ZKSCAN8: variants seen among roughly 807,000 people sequenced by gnomAD.
The protein encoded by ZKSCAN8 is zinc finger protein with KRAB and SCAN domains 8.
A neutral mutation model predicts 57.2 loss-of-function variants in ZKSCAN8; 27 were observed. The observed-to-expected ratio is 0.47, with a 90% confidence interval of 0.35 to 0.65. The LOEUF (loss-of-function observed/expected upper bound fraction) is 0.65. Ranked by LOEUF, ZKSCAN8 falls within the 30% of genes least tolerant of loss-of-function variation. The pLI is 0.01. For synonymous variants in ZKSCAN8, 214 were observed against 248.7 expected (o/e 0.86, Z 1.31); for missense variants, 597 against 696.3 (o/e 0.86, Z 1.60).
Position 28,153,229 on chromosome 6 carries a change from A to G in ZKSCAN8, c.949A>G (p.Thr317Ala). The G allele has an allele frequency of 6.2e-7, 1 of 1,614,214 alleles. No homozygotes were observed. Among genetic ancestry groups the G allele is most frequent in the Non-Finnish European group, 8.5e-7 (1 of 1,180,022 alleles). The change falls in exon 6 of 6, where the codon ACA becomes GCA. Residue 317 changes from threonine to alanine, a missense_variant. Thr to Ala is a moderately conservative substitution (Grantham distance 58). Transcript: ENST00000330236. ...ATTAGAGAGGCAGCGGGGAAATCCCACACAAGAGAGACGACATAAATGTGA... is the reference window on the plus strand; with the variant it reads ...ATTAGAGAGGCAGCGGGGAAATCCCGCACAAGAGAGACGACATAAATGTGA... ...GRLERQRGNP[T>A]QERRHKCDEC... is the part of the protein sequence containing the mutation.
In ZKSCAN8 at chr6:28,153,759, TGA is replaced by T. The variant is rs1216120503; in HGVS notation, c.1481_1482del (p.Glu494ValfsTer13). On this transcript the variant is annotated frameshift_variant, in exon 6 of 6. Transcript: ENST00000330236. LOFTEE classifies it high-confidence loss of function. Reference protein sequence around the residue: ...HTGEKPYKCNECGRAFSQKSG... With the variant: ...HTGEKPYKCNXCGRAFSQKSG... ...CTGGGGAGAAACCCTACAAATGCAA[TGA>T]GTGTGGGAGGGCCTTCAGTCAGAAG... 1 of 1,613,508 alleles carries T rather than the reference TGA, an allele frequency of 6.2e-7. No homozygotes were observed. The highest frequency in any genetic ancestry group is 8.5e-7 in the Non-Finnish European group (1 of 1,179,854).
Position 28,148,673 on chromosome 6 carries a change from A to G in ZKSCAN8, c.266A>G (p.Gln89Arg), listed in dbSNP as rs201156339. The G allele has an allele frequency of 9.9e-6, 16 of 1,614,180 alleles. No individual in the cohort carries two copies. In the Admixed American group the frequency reaches 2.5e-4, roughly 25 times the overall value. ...AGGCCAGATTTGAACACCAAGGAAC[A>G]GATCCTGGAGCTGCTGGTGCTGGAG... is the stretch of plus-strand genomic sequence containing the variant. ...WLRPDLNTKEQILELLVLEQF... is the reference protein window; with the variant it reads ...WLRPDLNTKERILELLVLEQF... The change falls in exon 2 of 6, where the codon CAG (glutamine) becomes CGG (arginine). Residue 89 changes from glutamine to arginine, a missense_variant. Physicochemically the swap from Gln to Arg is conservative, Grantham distance 43 (BLOSUM62 1). Coordinates refer to ENST00000330236, the MANE Select transcript of ZKSCAN8 (RefSeq NM_006298.4).
intron 5 of ZKSCAN8, 93 bp from the exon 6 acceptor site, chr6:28,152,951 GTTCATGTGTACT>G (rs1196704669): frequency 6.7e-7 from 1 of 1,491,384 alleles, no homozygotes; most frequent in Admixed American, 2.1e-5. Context: ...ACTTATAGCT[GTTCATGTGTACT>G]TTCCTTTTCC....
rs936780156 is a variant in ZKSCAN8, at chr6:28,159,013, T to C, written c.*4996T>C. Reference sequence around the variant, plus strand: ...TTACTCTCTAGCATATTCACCTTGATTCAACAGATTCAAACTTCCTACAGC... The same window carrying C: ...TTACTCTCTAGCATATTCACCTTGACTCAACAGATTCAAACTTCCTACAGC... On this transcript the variant is annotated 3_prime_UTR_variant, in exon 6 of 6. Coordinates refer to ENST00000330236, the MANE Select transcript of ZKSCAN8 (RefSeq NM_006298.4). The C allele has an allele frequency of 9.2e-5, 14 of 152,244 alleles. No individual in the cohort carries two copies. Among genetic ancestry groups the C allele is most frequent in the Non-Finnish European group, 1.8e-4 (12 of 68,064 alleles). The allele number at this position is 152,244 out of a possible 1,614,324, so 9.4% of individuals were successfully genotyped here.
Position 28,156,365 on chromosome 6 carries a change from A to C in ZKSCAN8, c.*2348A>C, listed in dbSNP as rs1765783428. On this transcript the variant is annotated 3_prime_UTR_variant, in exon 6 of 6. Transcript: ENST00000330236. ...AGTCTCTTTATGTGTCAGTATTAAG[A>C]GTAATATGTAGCCAGATTACTTAAA... is the stretch of plus-strand genomic sequence containing the variant. The C allele has an allele frequency of 5.0e-6, 2 of 396,040 alleles. No homozygotes were observed. The highest frequency in any genetic ancestry group is 7.1e-5 in the East Asian group (2 of 27,984). 24.5% of individuals were successfully genotyped at this position (396,040 alleles called of 1,614,324 possible). A position where few individuals can be genotyped will look rare whatever the true frequency, so the allele number is the denominator to read the frequency against.
intron 3 of ZKSCAN8, among the ~76,000 whole-genome samples, chr6:28,150,887 G>C (rs1009635509): frequency 6.6e-6 from 1 of 152,082 alleles, no homozygotes. Flanking sequence ...GCTCACTGCA[G>C]CTTCTGCCTC....
chr6:28,151,686 A>G lies in ZKSCAN8; in HGVS notation c.560-159A>G, dbSNP rs113182686. Among the ~76,000 whole-genome samples, 207 of 152,384 alleles carry G rather than the reference A, an allele frequency of 1.4e-3. 7 individuals carry two copies. In the South Asian group the frequency reaches 0.034, roughly 25 times the overall value. On this transcript the variant is annotated intron_variant, in intron 3 of 5. Coordinates refer to ENST00000330236, the MANE Select transcript of ZKSCAN8 (RefSeq NM_006298.4). Reference sequence around the variant, plus strand: ...TGCGTATGTTTTGTGGGGCAGCCATAGATATGGCCCCAGAATCCAAGATAT... The same window carrying G: ...TGCGTATGTTTTGTGGGGCAGCCATGGATATGGCCCCAGAATCCAAGATAT...
intron 5 of ZKSCAN8, 74 bp from the exon 6 acceptor site, chr6:28,152,982 C>T: frequency 6.4e-7 from 1 of 1,559,442 alleles, no homozygotes; most frequent in Non-Finnish European, 8.7e-7. Context: ...CCCCTATCTT[C>T]AGTTCCTTTC....
Position 28,158,134 on chromosome 6 carries a change from C to CT in ZKSCAN8, c.*4123dup, listed in dbSNP as rs1431193555. 4 of 151,654 alleles carry CT rather than the reference C, an allele frequency of 2.6e-5. No individual in the cohort carries two copies. The highest frequency in any genetic ancestry group is 5.9e-5 in the Non-Finnish European group (4 of 67,910). 9.4% of individuals were successfully genotyped at this position (151,654 alleles called of 1,614,324 possible). Reference sequence around the variant, plus strand: ...GCCTTTTTTTATTATTATTTCTTGTCTTTTTTGATCTAATTTATATTTTAT... The same window carrying CT: ...GCCTTTTTTTATTATTATTTCTTGTCTTTTTTTGATCTAATTTATATTTTAT... On this transcript the variant is annotated 3_prime_UTR_variant, in exon 6 of 6. Coordinates refer to ENST00000330236, the MANE Select transcript of ZKSCAN8 (RefSeq NM_006298.4).
chr6:28,152,179 A>G (rs1014479823), intron 4 of ZKSCAN8, 82 bp from the exon 5 acceptor site: 20 of 1,533,618 alleles, frequency 1.3e-5, no homozygotes, highest in South Asian at 3.9e-5. Context: ...TTCTCTCCCA[A>G]TACTGGTGGA....
chr6:28,142,729 T>C (rs1250107596), intron 1 of ZKSCAN8, among the ~76,000 whole-genome samples: 2 of 152,230 alleles, frequency 1.3e-5, no homozygotes, highest in Admixed American at 1.3e-4. Context: ...TTCTGTTGTT[T>C]GTTAGTTCCG....
At chr6:28,151,257 A>G (rs1765581725) in intron 3 of ZKSCAN8, among the ~76,000 whole-genome samples, 1 of 152,144 alleles carries the variant, frequency 6.6e-6, no homozygotes, top group Non-Finnish European at 1.5e-5. Flanking sequence ...CTTCCCCTGC[A>G]TTTCATATTT....
rs749943899 is a variant in ZKSCAN8 at position 28,153,289 on chromosome 6, C to T, written c.1009C>T (p.Leu337Phe). Residue 337 changes from leucine to phenylalanine, a missense_variant, in exon 6 of 6, where the codon CTT becomes TTT. Physicochemically the swap from Leu to Phe is conservative, Grantham distance 22 (BLOSUM62 0). Transcript: ENST00000330236. The stretch of plus-strand genomic sequence containing the variant: ...GAAAAGCTTTGCTCAGAGCTCAGGC[C>T]TTGTTCGCCACTGGAGAATCCACAC... ...CGKSFAQSSG[L>F]VRHWRIHTGE... 2.5e-6 allele frequency: 4 copies of T among 1,614,068 alleles called. No individual in the cohort carries two copies. The highest frequency in any genetic ancestry group is 1.1e-5 in the South Asian group (1 of 91,092).
At chr6:28,147,165 A>G (rs1258323476) in intron 1 of ZKSCAN8, among the ~76,000 whole-genome samples, 1 of 152,114 alleles carries the variant, frequency 6.6e-6, no homozygotes, top group African/African-American at 2.4e-5. Context: ...TAAGAAACTC[A>G]AAACTTAATT....
In ZKSCAN8 at chr6:28,149,628, A is replaced by G. The variant is rs1269043688; in HGVS notation, c.559+4A>G. On this transcript the variant is annotated splice_donor_region_variant and intron_variant, in intron 3 of 5. Transcript: ENST00000330236. ...CCCCAAGAGTCACAAGAGAGAGGTG[A>G]GTAGCCAGATTTCATTGATGATAAG... 3 of 1,613,592 alleles carry G rather than the reference A, an allele frequency of 1.9e-6. No homozygotes were observed. The highest frequency in any genetic ancestry group is 1.7e-6 in the Non-Finnish European group (2 of 1,179,864).
chr6:28,148,825 G>A lies in ZKSCAN8; in HGVS notation c.417+1G>A, dbSNP rs1765493611. The A allele has an allele frequency of 6.2e-7, 1 of 1,610,466 alleles. No individual in the cohort carries two copies. The highest frequency in any genetic ancestry group is 8.5e-7 in the Non-Finnish European group (1 of 1,177,676). On this transcript the variant is annotated splice_donor_variant, in intron 2 of 5. Coordinates refer to ENST00000330236, the MANE Select transcript of ZKSCAN8 (RefSeq NM_006298.4). LOFTEE classifies it high-confidence loss of function. ...GCAGATTGATATACTAGGACGACCA[G>A]TAAGTAGAAGGAGGTATGCGTGCTA...
Position 28,156,230 on chromosome 6 carries a change from A to G in ZKSCAN8, c.*2213A>G, listed in dbSNP as rs1364498884. ...AGAAGAACGCTTCTCTTCTATTCCA[A>G]TAAAAAGTCCTTTTAGCAATGCAAC... On this transcript the variant is annotated 3_prime_UTR_variant, in exon 6 of 6. Transcript: ENST00000330236. 10 of 398,404 alleles carry G rather than the reference A, an allele frequency of 2.5e-5. No individual in the cohort carries two copies. The highest frequency in any genetic ancestry group is 4.0e-5 in the Non-Finnish European group (9 of 225,914). The allele number at this position is 398,404 out of a possible 1,614,324, so 24.7% of individuals were successfully genotyped here.
Position 28,148,536 on chromosome 6 carries a change from C to T in ZKSCAN8, c.129C>T (p.Asn43=). The T allele has an allele frequency of 1.2e-6, 2 of 1,614,108 alleles. No individual in the cohort carries two copies. The highest frequency in any genetic ancestry group is 1.1e-5 in the South Asian group (1 of 91,066). ...WDQESSLHES[N]PLGQEVFRLR... ...AGGAATCTAGTCTGCATGAAAGTAA[C>T]CCTCTTGGCCAAGAAGTGTTCCGCC... Residue 43 remains asparagine (N), a synonymous_variant, in exon 2 of 6, where the codon AAC becomes AAT. Coordinates refer to ENST00000330236, the MANE Select transcript of ZKSCAN8 (RefSeq NM_006298.4).
chr6:28,152,721 T>A lies in ZKSCAN8; in HGVS notation c.776-335T>A, dbSNP rs1306909002. ...ATTAATTGTATCTCCTCCCTTTTGA[T>A]GACTGGGCATTTTCCCATTTCTGTC... On this transcript the variant is annotated intron_variant, in intron 5 of 5. Coordinates refer to ENST00000330236, the MANE Select transcript of ZKSCAN8 (RefSeq NM_006298.4). Among the ~76,000 whole-genome samples, 4 of 152,336 alleles carry A rather than the reference T, an allele frequency of 2.6e-5. No individual in the cohort carries two copies. In the East Asian group the frequency reaches 5.8e-4, roughly 22 times the overall value.
Sources: gnomAD v4.1 joint callset for allele counts (sites outside exome capture counted in the v4.1 genomes callset) on GRCh38, gnomAD v4.1.1 for gene constraint, MANE v1.5 for transcripts, NCBI Gene and HGNC (gene_info 2026-07-23, HGNC 2026-07-21) for gene names.